C8orf89: variants seen among roughly 807,000 people sequenced by gnomAD.
C8orf89 encodes chromosome 8 open reading frame 89.
C8orf89 carries 14 observed loss-of-function variants against 15.8 expected under a neutral mutation model. The ratio of observed to expected loss-of-function variants is 0.89; its 90% CI spans 0.59 to 1.39. The LOEUF (loss-of-function observed/expected upper bound fraction) is 1.39, where lower values mean the gene tolerates loss of function less well. C8orf89 is among the 40% of genes most tolerant of loss of function. The probability of loss-of-function intolerance (pLI) is 0.00; values close to 1 mark genes in which losing one functional copy is unlikely to be tolerated. For missense variants in C8orf89, 181 were observed against 184.5 expected (o/e 0.98, Z 0.11); for synonymous variants, 55 against 62.2 (o/e 0.88, Z 0.54).
chr8:73,254,478 A>C (rs558128619), intron 2 of C8orf89, among the ~76,000 whole-genome samples: 1 of 152,202 alleles, frequency 6.6e-6, no homozygotes, highest in Non-Finnish European at 1.5e-5. Flanking sequence ...ATTCTGTAAA[A>C]AAGGCATTCA....
intron 3 of C8orf89, 118 bp from the exon 4 acceptor site, chr8:73,241,723 G>A (rs375930153): frequency 1.4e-5 from 11 of 800,194 alleles, no homozygotes; most frequent in East Asian, 5.7e-5. Flanking sequence ...CACACTACTA[G>A]TTCTTATACT....
intron 3 of C8orf89, among the ~76,000 whole-genome samples, chr8:73,246,215 T>G (rs536282719): frequency 6.6e-6 from 1 of 152,314 alleles, no homozygotes; most frequent in South Asian, 2.1e-4. Flanking sequence ...TAAGTAATAA[T>G]AAGTATTTAC....
chr8:73,265,114 C>T, the C8orf89 span, among the ~76,000 whole-genome samples: 1 of 152,110 alleles, frequency 6.6e-6, no homozygotes, highest in East Asian at 1.9e-4. Flanking sequence ...ATCTCATTAA[C>T]AATTTATATG....
At chr8:73,246,158 G>A (rs955790363) in intron 3 of C8orf89, among the ~76,000 whole-genome samples, 1 of 152,276 alleles carries the variant, frequency 6.6e-6, no homozygotes, top group South Asian at 2.1e-4. Context: ...GAATGCAAGA[G>A]TGACTTAACA....
At chr8:73,262,816 CA>C (rs33942390), upstream of C8orf89, among the ~76,000 whole-genome samples, 92,859 of 134,140 alleles carry the variant, frequency 0.69, 30,060 homozygotes, top group Middle Eastern at 0.73. Flanking sequence ...GATCCTGGCT[CA>C]AAAAAAAAAA....
At chr8:73,285,108 G>T in the C8orf89 span, among the ~76,000 whole-genome samples, 1 of 152,186 alleles carries the variant, frequency 6.6e-6, no homozygotes, top group African/African-American at 2.4e-5. Flanking sequence ...GGTTTTAACA[G>T]TCTAACTGGG....
chr8:73,268,556 A>C, the C8orf89 span, among the ~76,000 whole-genome samples: 1 of 152,196 alleles, frequency 6.6e-6, no homozygotes, highest in African/African-American at 2.4e-5. Context: ...TTTTTAAAAG[A>C]TACTCTATGA....
chr8:73,242,891 T>C (rs2130240911), intron 3 of C8orf89, among the ~76,000 whole-genome samples: 1 of 152,262 alleles, frequency 6.6e-6, no homozygotes, highest in East Asian at 1.9e-4. Flanking sequence ...ATGGCCAAGA[T>C]TTGGAAGTAA....
At chr8:73,267,272 A>G in the C8orf89 span, among the ~76,000 whole-genome samples, 1 of 152,228 alleles carries the variant, frequency 6.6e-6, no homozygotes, top group Admixed American at 6.5e-5. Flanking sequence ...ATAAAATAGA[A>G]CAATTATAAC....
the C8orf89 span, among the ~76,000 whole-genome samples, chr8:73,271,368 G>A: frequency 6.6e-6 from 1 of 152,086 alleles, no homozygotes. Context: ...CCTGGCAGTG[G>A]GTGAGTTCTC....
the C8orf89 span, among the ~76,000 whole-genome samples, chr8:73,280,194 C>A: frequency 6.6e-6 from 1 of 152,300 alleles, no homozygotes; most frequent in African/African-American, 2.4e-5. Flanking sequence ...TCATTTCAGG[C>A]ACCTGGGGAT....
chr8:73,260,417 A>G (rs781295457), upstream of C8orf89, among the ~76,000 whole-genome samples: 14 of 152,160 alleles, frequency 9.2e-5, no homozygotes, highest in Non-Finnish European at 1.8e-4. Flanking sequence ...GGATAGCATT[A>G]GGAGATATAC....
intron 2 of C8orf89, among the ~76,000 whole-genome samples, chr8:73,250,606 CA>C (rs1813225984): frequency 6.6e-6 from 1 of 152,190 alleles, no homozygotes; most frequent in Admixed American, 6.5e-5. Flanking sequence ...TCAAGATAAA[CA>C]GGCCATTTGG....
chr8:73,253,951 C>T (rs1813307735), intron 2 of C8orf89, among the ~76,000 whole-genome samples: 1 of 151,692 alleles, frequency 6.6e-6, no homozygotes, highest in Admixed American at 6.6e-5. Context: ...TTGCCCTGGC[C>T]AGAACTTCCA....
chr8:73,259,645 A>T (rs963269151), upstream of C8orf89: 30 of 385,472 alleles, frequency 7.8e-5, no homozygotes, highest in African/African-American at 4.1e-4. Flanking sequence ...TAATATTTTT[A>T]AAAGTAAAGT....
the C8orf89 span, among the ~76,000 whole-genome samples, chr8:73,280,740 TATAC>T: frequency 1.3e-5 from 2 of 150,528 alleles, no homozygotes; most frequent in East Asian, 1.9e-4. Flanking sequence ...CACATATATA[TATAC>T]ACACACACAC....
chr8:73,266,383 G>T, the C8orf89 span, among the ~76,000 whole-genome samples: 1 of 152,336 alleles, frequency 6.6e-6, no homozygotes, highest in African/African-American at 2.4e-5. Flanking sequence ...ACTCATTTGA[G>T]GTGTCATCAT....
In C8orf89 at chr8:73,259,434, T is replaced by C; in HGVS notation, c.25A>G (p.Lys9Glu). 6.5e-7 allele frequency: 1 copy of C among 1,533,904 alleles called. No individual in the cohort carries two copies. The highest frequency in any genetic ancestry group is 8.7e-7 in the Non-Finnish European group (1 of 1,146,010). Residue 9 changes from lysine to glutamate, a missense_variant, in exon 1 of 4, where the codon AAA becomes GAA. Physicochemically the swap from Lys to Glu is moderately conservative, Grantham distance 56 (BLOSUM62 1). Coordinates refer to ENST00000624510, the MANE Select transcript of C8orf89 (RefSeq NM_001243237.3). Reference protein sequence around the residue: MSVLSPEIKCETSKFTRSS... With the variant: MSVLSPEIECETSKFTRSS... ...CTGGTGAATTTAGAAGTCTCACATT[T>C]GATTTCAGGAGATAGCACTGACATT...
chr8:73,277,835 T>C, the C8orf89 span: 3 of 710,364 alleles, frequency 4.2e-6, no homozygotes, highest in Non-Finnish European at 8.0e-6. Context: ...CATTTTCTTT[T>C]CCCATAGCTG....
Sources: gnomAD v4.1 joint callset for allele counts (sites outside exome capture counted in the v4.1 genomes callset) on GRCh38, gnomAD v4.1.1 for gene constraint, MANE v1.5 for transcripts, NCBI Gene and HGNC (gene_info 2026-07-23, HGNC 2026-07-21) for gene names.